DMXL1: variants seen among roughly 807,000 people sequenced by gnomAD.
DMXL1 encodes dmX-like protein 1.
DMXL1 carries 99 observed loss-of-function variants against 319.2 expected under a neutral mutation model. The ratio of observed to expected loss-of-function variants is 0.31; its 90% confidence interval spans 0.26 to 0.37. The LOEUF is 0.37. DMXL1 is among the 10% of genes least tolerant of loss of function. The pLI is 1.00. For missense variants in DMXL1, 3,745 were observed against 3,595.6 expected (o/e 1.04, Z -1.06); for synonymous variants, 1,385 against 1,235.2 (o/e 1.12, Z -2.54).
Position 119,105,253 on chromosome 5 carries a change from C to A in DMXL1, c.359C>A (p.Pro120His). 1 of 1,610,604 alleles carries A rather than the reference C, an allele frequency of 6.2e-7. No homozygotes were observed. The change falls in exon 4 of 44, where the codon CCC (proline) becomes CAC (histidine). Residue 120 changes from proline to histidine, a missense_variant. This residue lies in a region of DMXL1 where 2,096 missense variants were observed against 1,985.4 expected (regional missense o/e 1.06). Transcript: ENST00000539542. ...ATAGCACACAATATAACCTGGGATC[C>A]CACAGGTAAGAAAATAAGCAGGATT... ...ESIAHNITWD[P>H]TGSRLLTGSS...
rs1202140022 is a variant in DMXL1 at position 119,204,236 on chromosome 5, C to T, written c.7863+800C>T. 2.0e-5 allele frequency among the ~76,000 whole-genome samples: 3 copies of T among 152,288 alleles called. No homozygotes were observed. In the East Asian group the frequency reaches 5.8e-4, roughly 29 times the overall value. On this transcript the variant is annotated intron_variant, in intron 33 of 43. Transcript: ENST00000539542. ...CACTGCAACCTCTGCCTCCCAGGCT[C>T]AAGCGATCCTCCCACCTCAGCCTCC...
intron 13 of DMXL1, chr5:119,138,842 A>T (rs1460405128): frequency 6.6e-6 from 1 of 152,200 alleles, no homozygotes; most frequent in African/African-American, 2.4e-5. Flanking sequence ...CATCTTAAGA[A>T]GTAATAGATT....
intron 1 of DMXL1, among the ~76,000 whole-genome samples, chr5:119,088,789 T>C (rs141944230): frequency 6.6e-6 from 1 of 152,328 alleles, no homozygotes; most frequent in East Asian, 1.9e-4. Context: ...CTCACATTTT[T>C]GGCTTTCAGT....
chr5:119,106,388 AT>A (rs1758350969), intron 4 of DMXL1, among the ~76,000 whole-genome samples: 1 of 152,214 alleles, frequency 6.6e-6, no homozygotes, highest in African/African-American at 2.4e-5. Context: ...ACATGGAGGC[AT>A]CAACACAGAG....
chr5:119,188,097 ACT>A (rs1778066838), intron 28 of DMXL1, among the ~76,000 whole-genome samples: 1 of 151,418 alleles, frequency 6.6e-6, no homozygotes, highest in South Asian at 2.1e-4. Flanking sequence ...GTCTTTAAAA[ACT>A]CTCTTATATT....
intron 1 of DMXL1, among the ~76,000 whole-genome samples, chr5:119,096,766 C>T (rs1474758269): frequency 6.6e-6 from 1 of 152,156 alleles, no homozygotes; most frequent in Non-Finnish European, 1.5e-5. Flanking sequence ...AAATGCTTGG[C>T]AACAAGTCTT....
chr5:119,087,830 C>A (rs1753717290), intron 1 of DMXL1, among the ~76,000 whole-genome samples: 1 of 151,842 alleles, frequency 6.6e-6, no homozygotes, highest in Non-Finnish European at 1.5e-5. Flanking sequence ...GAGACAGAGT[C>A]TCGTTCTGTT....
At chr5:119,081,256 A>T (rs1233705368) in intron 1 of DMXL1, among the ~76,000 whole-genome samples, 1 of 152,168 alleles carries the variant, frequency 6.6e-6, no homozygotes, top group African/African-American at 2.4e-5. Flanking sequence ...TCCCAGCTTA[A>T]AATCCTCAAA....
Position 119,195,163 on chromosome 5 carries a change from C to T in DMXL1, c.7457+1193C>T, listed in dbSNP as rs147934153. On this transcript the variant is annotated intron_variant, in intron 30 of 43. Coordinates refer to ENST00000539542, the MANE Select transcript of DMXL1 (RefSeq NM_001290321.3). ...CTTTTGGTGGGAACGTAAAATCGTGCAGCAACTGTGGAAAACGGTATACTG... is the reference window on the plus strand; with the variant it reads ...CTTTTGGTGGGAACGTAAAATCGTGTAGCAACTGTGGAAAACGGTATACTG... 4.4e-3 allele frequency among the ~76,000 whole-genome samples: 671 copies of T among 152,104 alleles called. 6 individuals are homozygous for T. Among genetic ancestry groups the T allele is most frequent in the African/African-American group, 0.016 (659 of 41,490 alleles).
chr5:119,194,133 T>G (rs906291297), intron 30 of DMXL1, among the ~76,000 whole-genome samples, 163 bp downstream of exon 30: 2 of 152,228 alleles, frequency 1.3e-5, no homozygotes, highest in Non-Finnish European at 2.9e-5. Flanking sequence ...TTAACAATAA[T>G]TTCTCTGTTG....
chr5:119,170,431 G>T lies in DMXL1; in HGVS notation c.5640G>T (p.Lys1880Asn). 1.9e-6 allele frequency: 3 copies of T among 1,613,932 alleles called. No homozygotes were observed. The highest frequency in any genetic ancestry group is 2.2e-5 in the South Asian group (2 of 91,068). The change falls in exon 24 of 44, where the codon AAG becomes AAT. Residue 1880 changes from lysine (K) to asparagine (N), a missense_variant. Physicochemically the swap from Lys to Asn is moderately conservative, Grantham distance 94. Coordinates refer to ENST00000539542, the MANE Select transcript of DMXL1 (RefSeq NM_001290321.3). The part of the protein sequence containing the change: ...CPMLALEVLS[K>N]MPKVIKKTRP... ...TGTTGGCTTTGGAAGTATTATCAAA[G>T]ATGCCTAAAGTCATCAAGAAAACAA...
At chr5:119,231,025 G>T (rs1300699248) in intron 38 of DMXL1, among the ~76,000 whole-genome samples, 1 of 152,102 alleles carries the variant, frequency 6.6e-6, no homozygotes, top group Non-Finnish European at 1.5e-5. Flanking sequence ...CTTTTGTAAA[G>T]ACTCTTTTAG....
chr5:119,143,366 TAAAG>T (rs887025877), intron 13 of DMXL1, among the ~76,000 whole-genome samples: 2 of 152,008 alleles, frequency 1.3e-5, no homozygotes, highest in African/African-American at 4.8e-5. Flanking sequence ...ATACTGCTGA[TAAAG>T]GAAGTCTGAT....
chr5:119,214,314 T>C (rs1308085339), intron 34 of DMXL1, among the ~76,000 whole-genome samples: 4 of 152,212 alleles, frequency 2.6e-5, no homozygotes, highest in East Asian at 3.9e-4. Context: ...CAGCCACTTA[T>C]CACTATCACC....
intron 42 of DMXL1, among the ~76,000 whole-genome samples, chr5:119,241,285 A>G (rs1788738323): frequency 1.3e-5 from 2 of 152,158 alleles, no homozygotes; most frequent in African/African-American, 4.8e-5. Flanking sequence ...TAATCCCAGC[A>G]CTTTGGGAGG....
chr5:119,087,065 T>A (rs1406543639), intron 1 of DMXL1, among the ~76,000 whole-genome samples: 1 of 152,110 alleles, frequency 6.6e-6, no homozygotes, highest in Non-Finnish European at 1.5e-5. Context: ...GTTACTTACT[T>A]GGGTCTTCTC....
chr5:119,199,452 C>T (rs1780272682), intron 32 of DMXL1, among the ~76,000 whole-genome samples: 1 of 152,124 alleles, frequency 6.6e-6, no homozygotes, highest in Non-Finnish European at 1.5e-5. Context: ...ACCAGATTTT[C>T]TTTATCCAGT....
chr5:119,089,588 A>G (rs1754233938), intron 1 of DMXL1, among the ~76,000 whole-genome samples: 1 of 142,928 alleles, frequency 7.0e-6, no homozygotes. Context: ...GATTACAAGC[A>G]TCAGTCTTGT....
rs747215906 is a variant in DMXL1, at chr5:119,146,861, A to C, written c.2594A>C (p.Glu865Ala). 6 of 1,611,096 alleles carry C rather than the reference A, an allele frequency of 3.7e-6. No individual in the cohort carries two copies. The highest frequency in any genetic ancestry group is 5.1e-6 in the Non-Finnish European group (6 of 1,178,484). The change falls in exon 16 of 44, where the codon GAG becomes GCG. Residue 865 changes from glutamate (E) to alanine (A), a missense_variant. Transcript: ENST00000539542. The part of the protein sequence containing the change: ...NAGSSPNGFS[E>A]KFYLIVIECT... ...GGCAGCTCACCTAATGGATTTTCTG[A>C]GAAGTTCTACCTAATTGTAATAGAA...
Sources: allele counts gnomAD v4.1 joint callset (sites outside exome capture counted in the v4.1 genomes callset), GRCh38; gene constraint gnomAD v4.1.1; regional missense constraint gnomAD v4.1.1; transcripts MANE v1.5; gene names NCBI Gene and HGNC (gene_info 2026-07-23, HGNC 2026-07-21).